The following GALNT13 variants were observed in gnomAD, a reference collection of about 807,000 sequenced individuals.
GALNT13 encodes the protein polypeptide N-acetylgalactosaminyltransferase 13.
In GALNT13, 28 loss-of-function variants were observed where a neutral mutation model predicts 64.2. The observed-to-expected ratio is 0.44, with a 90% confidence interval of 0.32 to 0.60. The LOEUF (loss-of-function observed/expected upper bound fraction) is 0.60. Among genes scored for constraint, GALNT13 ranks in the 20% least tolerant of loss-of-function variants. The pLI, the probability that GALNT13 is intolerant of heterozygous loss-of-function variation, is 0.05. For synonymous variants in GALNT13, 214 were observed against 224.6 expected (o/e 0.95, Z 0.42); for missense variants, 577 against 669.8 (o/e 0.86, Z 1.53).
chr2:154,265,571 C>T (rs1690947681), intron 8 of GALNT13, among the ~76,000 whole-genome samples: 1 of 152,124 alleles, frequency 6.6e-6, no homozygotes, highest in East Asian at 1.9e-4. Flanking sequence ...TGGTGGCGGG[C>T]ACCTGTAATC....
the GALNT13 span, among the ~76,000 whole-genome samples, chr2:153,128,127 C>T: frequency 6.6e-6 from 1 of 152,142 alleles, no homozygotes; most frequent in Non-Finnish European, 1.5e-5. Context: ...CATTTCAGCA[C>T]CTGTTCTTTG....
intron 2 of GALNT13, among the ~76,000 whole-genome samples, chr2:153,940,647 C>T (rs1012676930): frequency 2.0e-5 from 3 of 152,138 alleles, no homozygotes; most frequent in East Asian, 3.9e-4. Context: ...TTACTCACTA[C>T]GTTTATCAGC....
chr2:154,421,614 C>G (rs376857658), intron 11 of GALNT13, among the ~76,000 whole-genome samples: 1 of 95,154 alleles, frequency 1.1e-5, no homozygotes, highest in African/African-American at 3.9e-5. Context: ...TTTTCCAAAT[C>G]TATTCTTAAC....
At chr2:153,323,711 A>G in the GALNT13 span, among the ~76,000 whole-genome samples, 6 of 152,206 alleles carry the variant, frequency 3.9e-5, no homozygotes, top group South Asian at 1.2e-3. Flanking sequence ...GCATATGGCT[A>G]GGCAGTTTTT....
intron 9 of GALNT13, among the ~76,000 whole-genome samples, chr2:154,370,111 G>C (rs555856833): frequency 6.6e-6 from 1 of 151,958 alleles, no homozygotes; most frequent in Non-Finnish European, 1.5e-5. Context: ...TAATCATATT[G>C]GGGGTTAGTG....
the GALNT13 span, among the ~76,000 whole-genome samples, chr2:153,570,968 A>AT: frequency 3.1e-3 from 441 of 143,712 alleles, 1 homozygote; most frequent in East Asian, 0.01. Flanking sequence ...ACATTTTAGT[A>AT]TTTTTTTTTT....
intron 9 of GALNT13, among the ~76,000 whole-genome samples, chr2:154,303,899 AG>A (rs1693589540): frequency 6.6e-6 from 1 of 151,846 alleles, no homozygotes; most frequent in South Asian, 2.1e-4. Context: ...CTGGGATTAC[AG>A]GCACCCGCCA....
chr2:154,344,831 TGGAG>T (rs988992589), intron 9 of GALNT13, among the ~76,000 whole-genome samples: 2 of 151,926 alleles, frequency 1.3e-5, no homozygotes, highest in African/African-American at 4.8e-5. Flanking sequence ...GAATTCTAGA[TGGAG>T]GGAGAGAGAA....
chr2:153,183,105 G>T, the GALNT13 span, among the ~76,000 whole-genome samples: 1 of 152,196 alleles, frequency 6.6e-6, no homozygotes, highest in Admixed American at 6.5e-5. Context: ...CAGTGTAAAA[G>T]TGTTCCTTTT....
At chr2:153,284,930 C>T in the GALNT13 span, among the ~76,000 whole-genome samples, 6 of 150,596 alleles carry the variant, frequency 4.0e-5, no homozygotes, top group African/African-American at 1.5e-4. Flanking sequence ...CTTATACATA[C>T]ATATGTACAT....
the GALNT13 span, among the ~76,000 whole-genome samples, chr2:153,079,561 A>G: frequency 1.3e-5 from 2 of 152,206 alleles, no homozygotes; most frequent in African/African-American, 2.4e-5. Context: ...TCTGTGTTTT[A>G]TGATTAGAGT....
intron 4 of GALNT13, among the ~76,000 whole-genome samples, chr2:154,174,964 A>C (rs1173160287): frequency 6.6e-6 from 1 of 152,198 alleles, no homozygotes; most frequent in African/African-American, 2.4e-5. Flanking sequence ...CATATTAAAA[A>C]GAGATTTACT....
chr2:154,096,277 TCTTCTGG>T (rs1024477363), intron 3 of GALNT13, among the ~76,000 whole-genome samples: 78 of 152,084 alleles, frequency 5.1e-4, no homozygotes, highest in African/African-American at 1.7e-3. Flanking sequence ...TATCCACTCC[TCTTCTGG>T]CTTCTGGCTC....
chr2:154,061,861 T>A (rs1413809611), intron 3 of GALNT13, among the ~76,000 whole-genome samples: 3 of 152,236 alleles, frequency 2.0e-5, no homozygotes, highest in African/African-American at 7.2e-5. Context: ...CTGCTTTTTC[T>A]AACATTATTT....
At chr2:153,743,676 TATTC>T in the GALNT13 span, among the ~76,000 whole-genome samples, 29 of 152,272 alleles carry the variant, frequency 1.9e-4, 1 homozygote, top group East Asian at 5.4e-3. Flanking sequence ...TGTTTCAAAA[TATTC>T]AATTAAATTA....
intron 3 of GALNT13, among the ~76,000 whole-genome samples, chr2:154,119,172 A>G (rs1466839161): frequency 6.6e-6 from 1 of 152,088 alleles, no homozygotes; most frequent in Admixed American, 6.6e-5. Flanking sequence ...TTATTTCCCC[A>G]TGACTCTGAA....
the GALNT13 span, among the ~76,000 whole-genome samples, chr2:153,788,448 A>C: frequency 1.3e-5 from 2 of 152,108 alleles, no homozygotes; most frequent in Admixed American, 1.3e-4. Context: ...GCTCCTAAAA[A>C]AATTACTAAA....
chr2:153,911,098 A>G (rs139579842), intron 2 of GALNT13, among the ~76,000 whole-genome samples: 25 of 152,260 alleles, frequency 1.6e-4, no homozygotes, highest in Non-Finnish European at 3.5e-4. Context: ...GTGAATCTGG[A>G]TGCTTCTCAG....
chr2:153,917,056 T>C lies in GALNT13; in HGVS notation c.-105+16049T>C, dbSNP rs114123688. On this transcript the variant is annotated intron_variant, in intron 2 of 12. Coordinates refer to ENST00000392825, the MANE Select transcript of GALNT13 (RefSeq NM_052917.4). ...ACCTCTGGGCCTCAGTTTATTCAGC[T>C]GACAAGTCACTTAGTTGATGAGATG... Among the ~76,000 whole-genome samples, 807 of 152,290 alleles carry C rather than the reference T, an allele frequency of 5.3e-3. 4 individuals carry two copies. Among genetic ancestry groups the C allele is most frequent in the African/African-American group, 0.018 (760 of 41,562 alleles).
Sources: gnomAD v4.1 joint callset for allele counts (sites outside exome capture counted in the v4.1 genomes callset) on GRCh38, gnomAD v4.1.1 for gene constraint, MANE v1.5 for transcripts, NCBI Gene and HGNC (gene_info 2026-07-23, HGNC 2026-07-21) for gene names.